The following TDRD5 variants were observed in gnomAD, a reference collection of about 807,000 sequenced individuals.
TDRD5 encodes tudor domain-containing protein 5.
Under a neutral mutation model 120.6 loss-of-function variants are expected in TDRD5, and 41 were observed. The ratio of observed to expected loss-of-function variants is 0.34; its 90% confidence interval spans 0.26 to 0.44. The LOEUF is 0.44. Ranked by LOEUF, TDRD5 falls within the 20% of genes least tolerant of loss-of-function variation. TDRD5 has a pLI of 1.00. For synonymous variants in TDRD5, 430 were observed against 433.7 expected, an observed-to-expected ratio of 0.99 and a Z score of 0.11; for missense variants, 1,006 against 1,221.2, an observed-to-expected ratio of 0.82 and a Z score of 2.63.
Position 179,593,628 on chromosome 1 carries a change from T to C in TDRD5, c.401T>C (p.Val134Ala). 6.2e-7 allele frequency: 1 copy of C among 1,614,250 alleles called. No individual in the cohort carries two copies. The highest frequency in any genetic ancestry group is 8.5e-7 in the Non-Finnish European group (1 of 1,180,046). ...RGRVAPILPA[V>A]VKSELKDLLA... ...AGGGTTGCCCCTATTCTTCCAGCTG[T>C]TGTGAAGAGTGAGTTGAAGGACCTG... Residue 134 changes from valine (V) to alanine (A), a missense_variant, in exon 3 of 18, where the codon GTT becomes GCT. Transcript: ENST00000444136.
chr1:179,684,534 A>G (rs1274138707), intron 17 of TDRD5, among the ~76,000 whole-genome samples: 1 of 152,256 alleles, frequency 6.6e-6, no homozygotes, highest in Non-Finnish European at 1.5e-5. Flanking sequence ...TTATAGCAGC[A>G]GGATTTATAA....
chr1:179,651,208 C>T (rs1362193832), intron 12 of TDRD5, 141 bp downstream of exon 12: 14 of 876,360 alleles, frequency 1.6e-5, no homozygotes, highest in Non-Finnish European at 2.2e-5. Context: ...CTTTTTAATG[C>T]AGAGCACTCT....
chr1:179,618,488 T>G (rs1323313031), intron 4 of TDRD5, 111 bp from the exon 5 acceptor site: 3 of 618,978 alleles, frequency 4.8e-6, no homozygotes, highest in Non-Finnish European at 8.0e-6. Flanking sequence ...GTCTATTTAA[T>G]TGCAATATGT....
chr1:179,611,734 C>G (rs1676286891), intron 4 of TDRD5, among the ~76,000 whole-genome samples: 1 of 152,144 alleles, frequency 6.6e-6, no homozygotes. Context: ...GGCATGGCTC[C>G]AAGTTGAGGA....
intron 6 of TDRD5, among the ~76,000 whole-genome samples, chr1:179,627,719 A>G (rs1677205348): frequency 6.6e-6 from 1 of 152,214 alleles, no homozygotes; most frequent in Non-Finnish European, 1.5e-5. Flanking sequence ...TATCAAATAT[A>G]TTTAATTCTG....
At chr1:179,634,720 A>G (rs1677671506) in intron 8 of TDRD5, 91 bp downstream of exon 8, 1 of 1,410,738 alleles carries the variant, frequency 7.1e-7, no homozygotes, top group South Asian at 1.7e-5. Flanking sequence ...TCTTTTTAGA[A>G]AAGTCTTATT....
At chr1:179,598,415 A>G (rs765061826) in intron 4 of TDRD5, among the ~76,000 whole-genome samples, 3 of 152,218 alleles carry the variant, frequency 2.0e-5, no homozygotes, top group Non-Finnish European at 4.4e-5. Flanking sequence ...TAAGATTGTG[A>G]TCTTCATTAG....
At chr1:179,615,381 T>C (rs139031239) in intron 4 of TDRD5, among the ~76,000 whole-genome samples, 2 of 152,332 alleles carry the variant, frequency 1.3e-5, no homozygotes, top group Non-Finnish European at 2.9e-5. Context: ...TTGAACTTTA[T>C]GCTTTAATTT....
intron 14 of TDRD5, among the ~76,000 whole-genome samples, chr1:179,657,735 T>A (rs1433020026): frequency 6.6e-6 from 1 of 152,222 alleles, no homozygotes; most frequent in East Asian, 1.9e-4. Flanking sequence ...TTAGTTTTTT[T>A]AATTAAGTAA....
chr1:179,604,339 A>G (rs1416848314), intron 4 of TDRD5, among the ~76,000 whole-genome samples: 2 of 151,628 alleles, frequency 1.3e-5, no homozygotes, highest in African/African-American at 4.8e-5. Flanking sequence ...TTTTTGCTTC[A>G]TGTATCTTTT....
At chr1:179,652,417 T>A (rs917737404) in intron 13 of TDRD5, among the ~76,000 whole-genome samples, 4 of 152,176 alleles carry the variant, frequency 2.6e-5, no homozygotes, top group African/African-American at 9.7e-5. Context: ...GCTGCCTTTG[T>A]GCAGTTGTGA....
At chr1:179,599,374 T>G (rs1675572655) in intron 4 of TDRD5, among the ~76,000 whole-genome samples, 1 of 152,128 alleles carries the variant, frequency 6.6e-6, no homozygotes, top group African/African-American at 2.4e-5. Flanking sequence ...TTTTTCCACC[T>G]CTTTATTCTG....
intron 13 of TDRD5, among the ~76,000 whole-genome samples, chr1:179,653,949 A>G (rs559215877): frequency 1.3e-5 from 2 of 152,354 alleles, no homozygotes; most frequent in African/African-American, 2.4e-5. Context: ...CTTTGGAGCC[A>G]GAATCTGTTG....
intron 11 of TDRD5, among the ~76,000 whole-genome samples, chr1:179,641,409 A>G (rs10218562): frequency 0.34 from 51,700 of 151,892 alleles, 8,998 homozygotes; most frequent in Admixed American, 0.42. Context: ...GGGCGCCTGT[A>G]ATCTTAGCTA....
chr1:179,649,080 G>C (rs753691942), intron 11 of TDRD5, among the ~76,000 whole-genome samples: 7 of 152,124 alleles, frequency 4.6e-5, no homozygotes, highest in Non-Finnish European at 1.0e-4. Flanking sequence ...TGAGAAGTCA[G>C]CTGTCAGTTT....
chr1:179,642,138 T>C (rs1459424729), intron 11 of TDRD5, among the ~76,000 whole-genome samples: 1 of 151,932 alleles, frequency 6.6e-6, no homozygotes, highest in African/African-American at 2.4e-5. Context: ...TCTTCCTTCA[T>C]TGCCCAGGCT....
intron 17 of TDRD5, among the ~76,000 whole-genome samples, chr1:179,670,334 G>C (rs1679794291): frequency 6.6e-6 from 1 of 151,812 alleles, no homozygotes; most frequent in African/African-American, 2.4e-5. Context: ...AGAGGTTGCA[G>C]TGAGCCGAGA....
chr1:179,624,144 A>G (rs1676992184), intron 6 of TDRD5, among the ~76,000 whole-genome samples: 1 of 152,212 alleles, frequency 6.6e-6, no homozygotes, highest in South Asian at 2.1e-4. Context: ...AATTAAGGCA[A>G]TTCACCATTT....
chr1:179,648,458 G>C (rs867901066), intron 11 of TDRD5, among the ~76,000 whole-genome samples: 1,184 of 94,532 alleles, frequency 0.013, 41 homozygotes, highest in African/African-American at 0.041. Flanking sequence ...GGGGTGGGGG[G>C]GGGGAGGGAT....
Sources: gnomAD v4.1 joint callset for allele counts (sites outside exome capture counted in the v4.1 genomes callset) on GRCh38, gnomAD v4.1.1 for gene constraint, MANE v1.5 for transcripts, NCBI Gene and HGNC (gene_info 2026-07-23, HGNC 2026-07-21) for gene names.